SF3B3: variants seen among roughly 807,000 people sequenced by gnomAD.
SF3B3 encodes the protein splicing factor 3b subunit 3.
In SF3B3, 33 loss-of-function variants were observed where a neutral mutation model predicts 139.2. That is an observed-to-expected ratio of 0.24 (90% CI 0.18 to 0.32). The LOEUF (loss-of-function observed/expected upper bound fraction) is 0.32, where lower values mean the gene tolerates loss of function less well. Ranked by LOEUF, SF3B3 falls within the 10% of genes least tolerant of loss-of-function variation. The pLI is 1.00. For missense variants in SF3B3, 818 were observed against 1,509.4 expected, an observed-to-expected ratio of 0.54 and a Z score of 7.59; for synonymous variants, 596 against 563.6, an observed-to-expected ratio of 1.06 and a Z score of -0.81.
chr16:70,555,833 C>T (rs1357028417), intron 13 of SF3B3, among the ~76,000 whole-genome samples: 2 of 152,132 alleles, frequency 1.3e-5, no homozygotes, highest in Non-Finnish European at 2.9e-5. Flanking sequence ...ATTTGAATTC[C>T]CTTCACCCAG....
chr16:70,566,259 A>G (rs4513092), intron 20 of SF3B3, among the ~76,000 whole-genome samples: 59,772 of 151,502 alleles, frequency 0.39, 12,327 homozygotes, highest in South Asian at 0.66. Context: ...AATGCCACTG[A>G]AGTGTATACT....
Position 70,548,392 on chromosome 16 carries a change from A to C in SF3B3, c.1352A>C (p.Glu451Ala). 6.2e-7 allele frequency: 1 copy of C among 1,613,996 alleles called. No individual in the cohort carries two copies. The highest frequency in any genetic ancestry group is 8.5e-7 in the Non-Finnish European group (1 of 1,180,004). ...GLEVSEMAVS[E>A]LPGNPNAVWT... ...CAGGTGTCAGAAATGGCTGTTTCTGAGCTACCTGGTAACCCCAACGCTGTC... is the reference window on the plus strand; with the variant it reads ...CAGGTGTCAGAAATGGCTGTTTCTGCGCTACCTGGTAACCCCAACGCTGTC... The change falls in exon 11 of 26, where the codon GAG (glutamate) becomes GCG (alanine). Residue 451 changes from glutamate to alanine, a missense_variant. Glu to Ala is a moderately radical substitution (Grantham distance 107). Around this residue, in one of 14 missense-constraint regions of SF3B3, gnomAD observed 31 missense variants for 77.3 expected, o/e 0.40. Transcript: ENST00000302516.
chr16:70,532,463 C>A lies in SF3B3; in HGVS notation c.571-16C>A. ...TTTATGCTGATGATTAGTTTTTATGCCACTATTCTCTGTAGGAAGCAGACA... is the reference window on the plus strand; with the variant it reads ...TTTATGCTGATGATTAGTTTTTATGACACTATTCTCTGTAGGAAGCAGACA... On this transcript the variant is annotated splice_polypyrimidine_tract_variant and intron_variant, in intron 4 of 25. Coordinates refer to ENST00000302516, the MANE Select transcript of SF3B3 (RefSeq NM_012426.5). 1 of 1,612,484 alleles carries A rather than the reference C, an allele frequency of 6.2e-7. No homozygotes were observed. Among genetic ancestry groups the A allele is most frequent in the Non-Finnish European group, 8.5e-7 (1 of 1,179,072 alleles).
intron 20 of SF3B3, among the ~76,000 whole-genome samples, chr16:70,566,534 C>T (rs989108547): frequency 5.9e-5 from 9 of 151,978 alleles, no homozygotes; most frequent in Admixed American, 2.0e-4. Flanking sequence ...TGCACTCCAG[C>T]GTGGGTGACA....
At chr16:70,549,301 AACTT>A (rs1237094969) in intron 11 of SF3B3, among the ~76,000 whole-genome samples, 2 of 152,352 alleles carry the variant, frequency 1.3e-5, no homozygotes, top group African/African-American at 4.8e-5. Context: ...GGAGGAAAAC[AACTT>A]ACTATTAGTA....
At chr16:70,560,418 A>G (rs1449666688) in intron 15 of SF3B3, 51 bp from the exon 16 acceptor site, 15 of 1,597,498 alleles carry the variant, frequency 9.4e-6, no homozygotes, top group African/African-American at 1.3e-5. Flanking sequence ...TTTTCCCATC[A>G]TAGCTGATAA....
chr16:70,537,363 A>G (rs2050178535), intron 6 of SF3B3, among the ~76,000 whole-genome samples: 1 of 152,106 alleles, frequency 6.6e-6, no homozygotes, highest in Admixed American at 6.6e-5. Context: ...ATGGAATTTG[A>G]TGGTGATCTT....
In SF3B3 at chr16:70,548,462, T is replaced by C. The variant is rs774484822; in HGVS notation, c.1402+20T>C. ...TTGAAGGTAAGCAGCTTTTTCCCAA[T>C]AGTCAAAATGAGGATCTAGGTGCCA... is the stretch of plus-strand genomic sequence containing the variant. On this transcript the variant is annotated intron_variant, in intron 11 of 25. Transcript: ENST00000302516. The C allele has an allele frequency of 7.5e-6, 12 of 1,608,450 alleles. No individual in the cohort carries two copies. Among genetic ancestry groups the C allele is most frequent in the East Asian group, 4.5e-5 (2 of 44,856 alleles).
intron 8 of SF3B3, among the ~76,000 whole-genome samples, chr16:70,539,996 G>A (rs1316625343): frequency 6.7e-6 from 1 of 150,262 alleles, no homozygotes; most frequent in Non-Finnish European, 1.5e-5. Context: ...GGCTGGTCTC[G>A]AACTTCCGAC....
Position 70,561,732 on chromosome 16 carries a change from G to A in SF3B3, c.2236G>A (p.Ala746Thr). 6.2e-7 allele frequency: 1 copy of A among 1,613,870 alleles called. No homozygotes were observed. Among genetic ancestry groups the A allele is most frequent in the South Asian group, 1.1e-5 (1 of 91,068 alleles). ...YETLEFASGF[A>T]SEQCPEGIVA... ...GACACTGGAATTTGCATCGGGTTTT[G>A]CCTCGGAACAGTGTCCCGAGGGCAT... is the stretch of plus-strand genomic sequence containing the variant. The change falls in exon 17 of 26, where the codon GCC becomes ACC. Residue 746 changes from alanine (A) to threonine (T), a missense_variant. This residue lies in a region of SF3B3 where 170 missense variants were observed against 353.0 expected (regional missense o/e 0.48). Transcript: ENST00000302516.
intron 20 of SF3B3, among the ~76,000 whole-genome samples, chr16:70,566,434 C>T (rs2050477667): frequency 1.3e-5 from 2 of 151,766 alleles, no homozygotes; most frequent in Non-Finnish European, 2.9e-5. Flanking sequence ...TGGTGGTGGG[C>T]GCCTGTAACC....
chr16:70,560,641 A>T, intron 16 of SF3B3, 50 bp downstream of exon 16: 1 of 1,595,942 alleles, frequency 6.3e-7, no homozygotes, highest in Non-Finnish European at 8.6e-7. Context: ...TTTTAGTGGC[A>T]CCATCTGAGA....
At position 70,567,515 on chromosome 16, in the gene SF3B3, A is replaced by G; in HGVS notation, c.2931A>G (p.Leu977=). The G allele has an allele frequency of 1.5e-5, 25 of 1,613,710 alleles. No individual in the cohort carries two copies. Among genetic ancestry groups the G allele is most frequent in the Non-Finnish European group, 2.1e-5 (25 of 1,179,910 alleles). ...LRVYDLGKKK[L]LRKCENKHIA... ...TCTATGACCTGGGAAAGAAGAAGTT[A>G]CTCCGAAAATGTGAGAATAAGGTAA... Residue 977 remains leucine (L), a synonymous_variant, in exon 21 of 26, where the codon TTA becomes TTG. Transcript: ENST00000302516.
intron 9 of SF3B3, among the ~76,000 whole-genome samples, chr16:70,542,908 A>T (rs1220721323): frequency 6.6e-6 from 1 of 151,652 alleles, no homozygotes; most frequent in Non-Finnish European, 1.5e-5. Flanking sequence ...TTTTTAGTAG[A>T]GACAGGGTTT....
intron 23 of SF3B3, chr16:70,569,794 G>T (rs2050510897): frequency 1.9e-6 from 1 of 528,004 alleles, no homozygotes; most frequent in Non-Finnish European, 3.4e-6. Context: ...AAACCTGGCA[G>T]ATTTTGTGGG....
chr16:70,527,783 G>GT (rs1471695580), intron 2 of SF3B3, among the ~76,000 whole-genome samples: 2 of 151,548 alleles, frequency 1.3e-5, no homozygotes, highest in Admixed American at 6.6e-5. Flanking sequence ...TTTTGTTTTT[G>GT]TTTTTTCCTT....
At chr16:70,532,801 G>T (rs1326721426) in intron 5 of SF3B3, among the ~76,000 whole-genome samples, 181 bp downstream of exon 5, 3 of 152,198 alleles carry the variant, frequency 2.0e-5, no homozygotes, top group Non-Finnish European at 4.4e-5. Flanking sequence ...TGGGGATAAA[G>T]ACTGCCTAGC....
At chr16:70,526,239 A>C (rs1260403642) in intron 1 of SF3B3, among the ~76,000 whole-genome samples, 2 of 151,650 alleles carry the variant, frequency 1.3e-5, no homozygotes, top group African/African-American at 4.8e-5. Flanking sequence ...ATGAGGTCTC[A>C]TTCTGTCGCC....
At chr16:70,564,874 C>A (rs1403461357) in intron 18 of SF3B3, among the ~76,000 whole-genome samples, 191 bp from the exon 19 acceptor site, 1 of 152,212 alleles carries the variant, frequency 6.6e-6, no homozygotes, top group Non-Finnish European at 1.5e-5. Context: ...ATTTCCCTTT[C>A]TGATCTTCTG....
Sources: gnomAD v4.1 joint callset for allele counts (sites outside exome capture counted in the v4.1 genomes callset) on GRCh38, gnomAD v4.1.1 for gene constraint, gnomAD v4.1.1 regional missense constraint, MANE v1.5 for transcripts, NCBI Gene and HGNC (gene_info 2026-07-23, HGNC 2026-07-21) for gene names.